Variants in MGLL observed in about 807,000 individuals in gnomAD.
MGLL encodes lysophospholipase homolog.
Under a neutral mutation model 29.1 loss-of-function variants are expected in MGLL, and 7 were observed. The observed-to-expected ratio is 0.24, with a 90% confidence interval of 0.14 to 0.45. The LOEUF is 0.45. MGLL is among the 20% of genes least tolerant of loss of function. The pLI is 0.99. For synonymous variants in MGLL, 148 were observed against 168.3 expected (o/e 0.88, Z 0.93); for missense variants, 356 against 413.6 (o/e 0.86, Z 1.21).
At chr3:127,789,163 C>T (rs1466451060) in intron 2 of MGLL, among the ~76,000 whole-genome samples, 1 of 152,142 alleles carries the variant, frequency 6.6e-6, no homozygotes, top group Non-Finnish European at 1.5e-5. Flanking sequence ...GGGTGGAATG[C>T]CAAGGGACAC....
At chr3:127,792,033 A>C (rs1403495758) in intron 2 of MGLL, among the ~76,000 whole-genome samples, 1 of 152,154 alleles carries the variant, frequency 6.6e-6, no homozygotes, top group African/African-American at 2.4e-5. Flanking sequence ...GCACCACTGC[A>C]CTCCAGCCTG....
chr3:127,745,660 C>G (rs1214670941), intron 3 of MGLL, among the ~76,000 whole-genome samples: 4 of 152,122 alleles, frequency 2.6e-5, no homozygotes, highest in Non-Finnish European at 4.4e-5. Context: ...TGTAACAAAG[C>G]TGCACTTGTA....
At chr3:127,706,849 A>G (rs1442943341) in intron 6 of MGLL, among the ~76,000 whole-genome samples, 1 of 152,210 alleles carries the variant, frequency 6.6e-6, no homozygotes, top group African/African-American at 2.4e-5. Flanking sequence ...GGGAGGCTGA[A>G]GCCCATCTTT....
At chr3:127,810,405 T>C (rs540293559) in intron 2 of MGLL, among the ~76,000 whole-genome samples, 2 of 152,308 alleles carry the variant, frequency 1.3e-5, no homozygotes, top group South Asian at 4.2e-4. Context: ...AGTTTCCAAA[T>C]AATCCTTGTT....
At chr3:127,700,588 G>A (rs115439649) in intron 6 of MGLL, among the ~76,000 whole-genome samples, 3 of 152,132 alleles carry the variant, frequency 2.0e-5, no homozygotes, top group East Asian at 1.9e-4. Context: ...TGGCACAGGG[G>A]AAGCCTTTGG....
At chr3:127,793,644 C>G (rs2077336825) in intron 2 of MGLL, among the ~76,000 whole-genome samples, 1 of 152,190 alleles carries the variant, frequency 6.6e-6, no homozygotes, top group Non-Finnish European at 1.5e-5. Context: ...TCACTGCAAC[C>G]TCCGCCTCCC....
chr3:127,765,097 T>C (rs2076833317), intron 3 of MGLL, among the ~76,000 whole-genome samples: 1 of 152,240 alleles, frequency 6.6e-6, no homozygotes, highest in African/African-American at 2.4e-5. Flanking sequence ...AGCTACATCT[T>C]TTCTCAGCTC....
chr3:127,728,677 C>T (rs557011775), intron 3 of MGLL, among the ~76,000 whole-genome samples: 35 of 152,272 alleles, frequency 2.3e-4, no homozygotes, highest in African/African-American at 7.2e-4. Flanking sequence ...CAGTTGGCTG[C>T]GGTAGATAAA....
chr3:127,769,857 G>A lies in MGLL; in HGVS notation c.262+11932C>T, dbSNP rs373532260. Among the ~76,000 whole-genome samples, 10 of 152,232 alleles carry A rather than the reference G, an allele frequency of 6.6e-5. 2 individuals are homozygous for A. The highest frequency in any genetic ancestry group is 2.1e-4 in the South Asian group (1 of 4,824). ...CCGAAGCCCCGTCAGAGTGCTGGGGGGTCTGTCCTGAGGATGGAGCGGGGC... is the reference window on the plus strand; with the variant it reads ...CCGAAGCCCCGTCAGAGTGCTGGGGAGTCTGTCCTGAGGATGGAGCGGGGC... On this transcript the variant is annotated intron_variant, in intron 3 of 7. Transcript: ENST00000265052.
chr3:127,744,537 T>C (rs986477272), intron 3 of MGLL, among the ~76,000 whole-genome samples: 5 of 152,196 alleles, frequency 3.3e-5, no homozygotes, highest in African/African-American at 9.7e-5. Context: ...CTCTCAGAGC[T>C]CTATGATGAA....
intron 2 of MGLL, among the ~76,000 whole-genome samples, chr3:127,802,997 T>A (rs2077504351): frequency 6.6e-6 from 1 of 152,070 alleles, no homozygotes; most frequent in East Asian, 1.9e-4. Flanking sequence ...TTTTTTTTTT[T>A]TAGACAGAGT....
intron 3 of MGLL, among the ~76,000 whole-genome samples, chr3:127,767,098 A>AAAAC (rs2076872355): frequency 1.3e-5 from 2 of 151,880 alleles, no homozygotes; most frequent in Non-Finnish European, 2.9e-5. Context: ...AACAAAAAAA[A>AAAAC]CCCCAAAAAA....
intron 2 of MGLL, among the ~76,000 whole-genome samples, chr3:127,803,473 A>C (rs144157739): frequency 0.012 from 1,760 of 152,300 alleles, 23 homozygotes; most frequent in South Asian, 0.024. Context: ...ATGCTGGTGC[A>C]CTCACACCAT....
chr3:127,762,433 A>T (rs1375733118), intron 3 of MGLL, among the ~76,000 whole-genome samples: 4 of 152,112 alleles, frequency 2.6e-5, no homozygotes, highest in African/African-American at 7.2e-5. Context: ...GTCAAAGCGA[A>T]GCCAGCCCTG....
intron 3 of MGLL, among the ~76,000 whole-genome samples, chr3:127,764,536 G>A (rs563796177): frequency 2.0e-5 from 3 of 152,174 alleles, no homozygotes; most frequent in Non-Finnish European, 4.4e-5. Flanking sequence ...GGAAGCTCAC[G>A]TGCTCTCCTC....
intron 6 of MGLL, among the ~76,000 whole-genome samples, chr3:127,701,339 C>T (rs1011012248): frequency 2.6e-5 from 4 of 152,036 alleles, no homozygotes; most frequent in Non-Finnish European, 4.4e-5. Context: ...CTGTGCTTGG[C>T]GTGGCCATGG....
intron 5 of MGLL, among the ~76,000 whole-genome samples, chr3:127,720,843 G>GTT (rs1192369059): frequency 7.2e-5 from 11 of 152,180 alleles, no homozygotes; most frequent in African/African-American, 2.4e-4. Flanking sequence ...GGAAGGCATT[G>GTT]TCTTTTTGTC....
intron 6 of MGLL, among the ~76,000 whole-genome samples, chr3:127,696,222 C>G (rs561950956): frequency 6.6e-6 from 1 of 152,252 alleles, no homozygotes; most frequent in East Asian, 1.9e-4. Flanking sequence ...TGCTCTCTCC[C>G]CTGTCCTTGC....
intron 6 of MGLL, among the ~76,000 whole-genome samples, chr3:127,702,933 G>C (rs1393992935): frequency 1.3e-5 from 2 of 152,186 alleles, no homozygotes; most frequent in African/African-American, 4.8e-5. Flanking sequence ...GACCTCAGGT[G>C]ATCTGCCCAC....
Sources: allele counts gnomAD v4.1 joint callset (sites outside exome capture counted in the v4.1 genomes callset), GRCh38; gene constraint gnomAD v4.1.1; transcripts MANE v1.5; gene names NCBI Gene and HGNC (gene_info 2026-07-23, HGNC 2026-07-21).